SLC12A9: variants seen among roughly 807,000 people sequenced by gnomAD.
The protein encoded by SLC12A9 is solute carrier family 12 member 9.
In SLC12A9, 55 loss-of-function variants were observed where a neutral mutation model predicts 66.0. That is an observed-to-expected ratio of 0.83 (90% CI 0.67 to 1.04). SLC12A9 has a LOEUF of 1.04. Among genes scored for constraint, SLC12A9 ranks in the 50% least tolerant of loss-of-function variants. The pLI is 0.00. For missense variants in SLC12A9, 1,061 were observed against 1,241.9 expected (o/e 0.85, Z 2.19); for synonymous variants, 577 against 569.0 (o/e 1.01, Z -0.20).
At position 100,854,619 on chromosome 7, in the gene SLC12A9, G is replaced by C. The variant is rs1814272633; in HGVS notation, c.182-1G>C. 1 of 1,613,936 alleles carries C rather than the reference G, an allele frequency of 6.2e-7. No individual in the cohort carries two copies. The highest frequency in any genetic ancestry group is 1.7e-5 in the Admixed American group (1 of 59,984). The stretch of plus-strand genomic sequence containing the variant: ...GACCTGATTTGCTGCTCCTGCCTCA[G>C]GGTTCGTGGTGGGTCATGCTGGGCT... On this transcript the variant is annotated splice_acceptor_variant, in intron 2 of 13. Coordinates refer to ENST00000354161, the MANE Select transcript of SLC12A9 (RefSeq NM_020246.4). LOFTEE classifies it high-confidence loss of function.
chr7:100,860,287 G>A, intron 9 of SLC12A9, 55 bp downstream of exon 9: 2 of 1,576,650 alleles, frequency 1.3e-6, no homozygotes, highest in Non-Finnish European at 1.7e-6. Flanking sequence ...TGGCAGGATG[G>A]GGGTGCAGTT....
rs1815058167 is a variant in SLC12A9 at position 100,865,971 on chromosome 7, G to A, written c.2111G>A (p.Gly704Glu). Residue 704 changes from glycine (G) to glutamate (E), a missense_variant, in exon 14 of 14, where the codon GGG becomes GAG. Transcript: ENST00000354161. ...NKNVVLARAS[G>E]ALPPERLSRG... The stretch of plus-strand genomic sequence containing the variant: ...AATGTGGTGCTGGCCCGGGCCAGCG[G>A]GGCCTTGCCCCCTGAGCGGCTGAGC... The A allele has an allele frequency of 6.2e-7, 1 of 1,613,040 alleles. No individual in the cohort carries two copies. The highest frequency in any genetic ancestry group is 8.5e-7 in the Non-Finnish European group (1 of 1,179,898).
intron 1 of SLC12A9, among the ~76,000 whole-genome samples, chr7:100,835,272 T>C (rs1162263963): frequency 6.6e-6 from 1 of 150,642 alleles, no homozygotes; most frequent in East Asian, 2.0e-4. Context: ...GGAGAATCGC[T>C]TGAACCTGGG....
rs557528206 is a variant in SLC12A9, at chr7:100,845,740, A to G, written n.229-14145A>G. Among the ~76,000 whole-genome samples the G allele has an allele frequency of 6.1e-4, 93 of 152,328 alleles. No individual in the cohort carries two copies. In the Middle Eastern group the frequency reaches 0.01, roughly 17 times the overall value. ...TGTCTATGCTTCCCGTGAAAAGAGA[A>G]GCATAGCCATAGGAAATTCAAAAAA... On this transcript the variant is annotated intron_variant and non_coding_transcript_variant, in intron 1 of 1. Transcript: ENST00000461016.
In SLC12A9 at chr7:100,826,965, G is replaced by C. The variant is rs2304374; in HGVS notation, n.146G>C. On this transcript the variant is annotated non_coding_transcript_exon_variant, in exon 1 of 2. Coordinates refer to the SLC12A9 transcript ENST00000461016. ...GGAGTGACGGGGTGCGCCCCCCCCC[G>C]CAAGGAAACTCACCTTCCAAAGCTG... The C allele has an allele frequency of 0.4, 479,250 of 1,189,970 alleles. 72,199 individuals are homozygous for C. Among genetic ancestry groups the C allele is most frequent in the East Asian group, 0.63 (24,750 of 39,378 alleles). 73.7% of individuals were successfully genotyped at this position (1,189,970 alleles called of 1,614,324 possible).
chr7:100,850,059 G>A (rs1316538024), upstream of SLC12A9, among the ~76,000 whole-genome samples: 1 of 151,948 alleles, frequency 6.6e-6, no homozygotes, highest in Non-Finnish European at 1.5e-5. Flanking sequence ...TTTTAGTAGA[G>A]ACAGGGTTTC....
Position 100,866,082 on chromosome 7 carries a change from T to G in SLC12A9, c.2222T>G (p.Val741Gly). The G allele has an allele frequency of 6.2e-7, 1 of 1,612,788 alleles. No homozygotes were observed. The highest frequency in any genetic ancestry group is 8.5e-7 in the Non-Finnish European group (1 of 1,179,802). ...CGGCCCCGGGGTGGGCCCGGCTATG[T>G]GGATGTCTGCGGCCTCTTCCTGCTG... ...LLRPRGGPGYVDVCGLFLLQM... is the reference protein window; with the variant it reads ...LLRPRGGPGYGDVCGLFLLQM... Residue 741 changes from valine (V) to glycine (G), a missense_variant, in exon 14 of 14, where the codon GTG becomes GGG. Physicochemically the swap from Val to Gly is moderately radical, Grantham distance 109 (BLOSUM62 -3). Coordinates refer to ENST00000354161, the MANE Select transcript of SLC12A9 (RefSeq NM_020246.4). The surrounding 1 kb of genome is among the most constrained non-coding windows in gnomAD (Gnocchi z 7.3).
At chr7:100,857,533 C>A (rs778887595) in intron 5 of SLC12A9, 1 of 229,564 alleles carries the variant, frequency 4.4e-6, no homozygotes, top group Non-Finnish European at 8.6e-6. Context: ...GGGCAGGAGC[C>A]GGGGAGCTGG....
chr7:100,851,515 C>G (rs950627660), upstream of SLC12A9, among the ~76,000 whole-genome samples: 1 of 148,254 alleles, frequency 6.7e-6, no homozygotes, highest in Non-Finnish European at 1.5e-5. Flanking sequence ...CCTCTGCCTC[C>G]CAGGTTCAAG....
At chr7:100,827,071 G>T (rs1322127616) in intron 1 of SLC12A9, 2 of 1,554,488 alleles carry the variant, frequency 1.3e-6, no homozygotes, top group Non-Finnish European at 1.7e-6. Context: ...TGAGTTTGGG[G>T]GGCCCTCGCC....
At chr7:100,841,814 A>C (rs1452920692) in intron 1 of SLC12A9, among the ~76,000 whole-genome samples, 1 of 152,202 alleles carries the variant, frequency 6.6e-6, no homozygotes, top group Non-Finnish European at 1.5e-5. Flanking sequence ...AAAACTAATA[A>C]AAATAGGTGC....
intron 4 of SLC12A9, 37 bp downstream of exon 4, chr7:100,855,874 T>G (rs542715641): frequency 1.3e-6 from 2 of 1,561,788 alleles, no homozygotes; most frequent in East Asian, 4.5e-5. Context: ...TGCTGCGGGT[T>G]TACAGGGTCT....
intron 1 of SLC12A9, among the ~76,000 whole-genome samples, chr7:100,828,277 G>A (rs934137766): frequency 6.6e-6 from 1 of 151,638 alleles, no homozygotes; most frequent in Non-Finnish European, 1.5e-5. Context: ...GGTGGCTCAC[G>A]CCTGTAGTCC....
At chr7:100,830,139 G>A (rs964889299) in intron 1 of SLC12A9, among the ~76,000 whole-genome samples, 2 of 151,832 alleles carry the variant, frequency 1.3e-5, no homozygotes, top group South Asian at 2.1e-4. Context: ...ATCACCTGAG[G>A]TCAGGAGTTC....
intron 1 of SLC12A9, among the ~76,000 whole-genome samples, chr7:100,828,935 C>T (rs1480430398): frequency 2.0e-5 from 3 of 151,890 alleles, no homozygotes; most frequent in African/African-American, 7.3e-5. Context: ...GAGTCAGCCC[C>T]TCCAAGGGGC....
chr7:100,858,202 A>G (rs138184327), intron 5 of SLC12A9: 1 of 152,164 alleles, frequency 6.6e-6, no homozygotes, highest in African/African-American at 2.4e-5. Context: ...ACCTGAGTCC[A>G]GGAGTTCGAG....
At chr7:100,853,415 G>A (rs1251793911) in intron 1 of SLC12A9, 2 of 152,228 alleles carry the variant, frequency 1.3e-5, no homozygotes, top group East Asian at 3.9e-4. Flanking sequence ...GCCCCCAGGA[G>A]CCGGGAGGGG....
chr7:100,866,240 A>T lies in SLC12A9; in HGVS notation c.2380A>T (p.Ile794Phe), dbSNP rs1410932274. The T allele has an allele frequency of 6.2e-7, 1 of 1,602,536 alleles. No individual in the cohort carries two copies. The highest frequency in any genetic ancestry group is 8.5e-7 in the Non-Finnish European group (1 of 1,175,032). The stretch of plus-strand genomic sequence containing the variant: ...GCGGGCACTGCTGAGCCAACTGAGG[A>T]TCCGGGCTGAGGTGCAGGAGGTGGT... ...RLRALLSQLR[I>F]RAEVQEVVWG... Residue 794 changes from isoleucine to phenylalanine, a missense_variant, in exon 14 of 14, where the codon ATC (isoleucine) becomes TTC (phenylalanine). By Grantham distance (21) the Ile-to-Phe change is conservative (BLOSUM62 0). Coordinates refer to ENST00000354161, the MANE Select transcript of SLC12A9 (RefSeq NM_020246.4). The surrounding 1 kb of genome is among the most constrained non-coding windows in gnomAD (Gnocchi z 7.3).
intron 1 of SLC12A9, among the ~76,000 whole-genome samples, chr7:100,833,594 C>G (rs1487865486): frequency 1.3e-5 from 2 of 152,024 alleles, no homozygotes; most frequent in Admixed American, 1.3e-4. Context: ...ATCACTTGAG[C>G]CCAGGAGTTC....
Sources: gnomAD v4.1 joint callset for allele counts (sites outside exome capture counted in the v4.1 genomes callset) on GRCh38, gnomAD v4.1.1 for gene constraint, Gnocchi (gnomAD v3.1) non-coding constraint, MANE v1.5 for transcripts, NCBI Gene and HGNC (gene_info 2026-07-23, HGNC 2026-07-21) for gene names.